The following INSR variants were observed in gnomAD, a reference collection of about 807,000 sequenced individuals.
The protein encoded by INSR is insulin receptor.
In INSR, 67 loss-of-function variants were observed where a neutral mutation model predicts 142.6. The ratio of observed to expected loss-of-function variants is 0.47; its 90% confidence interval spans 0.39 to 0.58. INSR has a LOEUF of 0.58. INSR is among the 20% of genes least tolerant of loss of function. The pLI is 0.00. For synonymous variants in INSR, 756 were observed against 743.1 expected, an observed-to-expected ratio of 1.02 and a Z score of -0.28; for missense variants, 1,248 against 1,833.2, an observed-to-expected ratio of 0.68 and a Z score of 5.83.
chr19:7,112,555 A>G lies in INSR; in HGVS notation c.*4501T>C, dbSNP rs982171199. Reference sequence around the variant, plus strand: ...CTTTCAGGCAAAGTGTAAAGACTAAACAAGCTGTTCCTGAATATGTGCATG... The same window carrying G: ...CTTTCAGGCAAAGTGTAAAGACTAAGCAAGCTGTTCCTGAATATGTGCATG... On this transcript the variant is annotated 3_prime_UTR_variant, in exon 22 of 22. Coordinates refer to ENST00000302850, the MANE Select transcript of INSR (RefSeq NM_000208.4). 6.6e-6 allele frequency: 1 copy of G among 152,168 alleles called. No homozygotes were observed. The highest frequency in any genetic ancestry group is 6.5e-5 in the Admixed American group (1 of 15,290). The allele number at this position is 152,168 out of a possible 1,614,324, so 9.4% of individuals were successfully genotyped here. A position where few individuals can be genotyped will look rare whatever the true frequency, so the allele number is the denominator to read the frequency against.
intron 2 of INSR, among the ~76,000 whole-genome samples, chr19:7,248,501 A>G (rs921113016): frequency 4.2e-5 from 6 of 144,300 alleles, no homozygotes; most frequent in African/African-American, 1.3e-4. Flanking sequence ...AAAAAAAAAA[A>G]AAAAAAAGCA....
At chr19:7,163,885 G>C (rs535550040) in intron 8 of INSR, among the ~76,000 whole-genome samples, 1 of 127,264 alleles carries the variant, frequency 7.9e-6, no homozygotes, top group Non-Finnish European at 1.6e-5. Flanking sequence ...TCAGGAGTTC[G>C]AGACTACACC....
intron 4 of INSR, 95 bp downstream of exon 4, chr19:7,174,488 C>G: frequency 1.4e-6 from 2 of 1,391,204 alleles, no homozygotes; most frequent in Admixed American, 1.7e-5. Context: ...TGTAGGAGCA[C>G]GCAGCAGGGT....
intron 1 of INSR, among the ~76,000 whole-genome samples, chr19:7,287,726 A>T (rs1480154112): frequency 2.0e-5 from 3 of 152,192 alleles, no homozygotes; most frequent in South Asian, 2.1e-4. Context: ...AAAGAGAAAG[A>T]CATAGCGTTT....
At chr19:7,253,070 G>A (rs1474681945) in intron 2 of INSR, among the ~76,000 whole-genome samples, 4 of 148,828 alleles carry the variant, frequency 2.7e-5, no homozygotes, top group African/African-American at 5.0e-5. Context: ...AGCCAAGATC[G>A]TGCCACAGCA....
intron 2 of INSR, among the ~76,000 whole-genome samples, chr19:7,204,998 C>A (rs1445594252): frequency 8.0e-6 from 1 of 125,594 alleles, no homozygotes; most frequent in Non-Finnish European, 1.8e-5. Flanking sequence ...GCAGGAGAAT[C>A]GCTTGAAGCC....
At chr19:7,291,036 C>T (rs901267730) in intron 1 of INSR, among the ~76,000 whole-genome samples, 2 of 151,924 alleles carry the variant, frequency 1.3e-5, no homozygotes, top group African/African-American at 4.8e-5. Context: ...TGCCACTGCA[C>T]TCCAGCCTGG....
At position 7,126,637 on chromosome 19, in the gene INSR, G is replaced by A. The variant is rs866193541; in HGVS notation, c.2960C>T (p.Pro987Leu). Residue 987 changes from proline (P) to leucine (L), a missense_variant, in exon 16 of 22, where the codon CCG becomes CTG. Coordinates refer to ENST00000302850, the MANE Select transcript of INSR (RefSeq NM_000208.4). ...LFLRKRQPDG[P>L]LGPLYASSNP... ...TGAAGAAGCGTAAAGCGGTCCCAGC[G>A]GCCCATCTGGCTGCCTGGAGGAGGA... is the stretch of plus-strand genomic sequence containing the variant. 57 of 1,564,716 alleles carry A rather than the reference G, an allele frequency of 3.6e-5. No individual in the cohort carries two copies. The highest frequency in any genetic ancestry group is 1.7e-4 in the Middle Eastern group (1 of 6,030).
intron 8 of INSR, among the ~76,000 whole-genome samples, chr19:7,165,374 A>G (rs1250729976): frequency 6.6e-6 from 1 of 152,168 alleles, no homozygotes; most frequent in Non-Finnish European, 1.5e-5. Context: ...AAGTGGGAAG[A>G]GGGAACAGGC....
In INSR at chr19:7,125,637, T is replaced by C. The variant is rs1299623054; in HGVS notation, c.3014-110A>G. Reference sequence around the variant, plus strand: ...CCCTCGAAAACACTCATGAAATGAGTTCTGTGATCCAGGACCCATGCCGGG... The same window carrying C: ...CCCTCGAAAACACTCATGAAATGAGCTCTGTGATCCAGGACCCATGCCGGG... On this transcript the variant is annotated intron_variant, in intron 16 of 21. Transcript: ENST00000302850. This position sits in a 1 kb window ranked among gnomAD's most constrained non-coding sequence, Gnocchi z 4.9. The C allele has an allele frequency of 4.1e-6, 6 of 1,458,052 alleles. No individual in the cohort carries two copies. The highest frequency in any genetic ancestry group is 5.7e-6 in the Non-Finnish European group (6 of 1,057,656). The allele number at this position is 1,458,052 out of a possible 1,614,324, so 90.3% of individuals were successfully genotyped here.
Position 7,119,720 on chromosome 19 carries a change from GCAAA to G in INSR, c.3660-141_3660-138del. On this transcript the variant is annotated intron_variant, in intron 20 of 21. Transcript: ENST00000302850. This position sits in a 1 kb window ranked among gnomAD's most constrained non-coding sequence, Gnocchi z 5.2. ...AACACATACATGCAAACACACACAT[GCAAA>G]CACACACGCACATACACGTGCACAC... 1 of 951,710 alleles carries G rather than the reference GCAAA, an allele frequency of 1.1e-6. No individual in the cohort carries two copies. Among genetic ancestry groups the G allele is most frequent in the South Asian group, 1.3e-5 (1 of 74,592 alleles). 59.0% of individuals were successfully genotyped at this position (951,710 alleles called of 1,614,324 possible).
At position 7,116,851 on chromosome 19, in the gene INSR, C is replaced by T. The variant is rs1972341192; in HGVS notation, c.*205G>A. ...GCAACTGTGGAAACCCCTTGCCCTCCAGGTTCACAGTTAAATCCTCTGCAG... is the reference window on the plus strand; with the variant it reads ...GCAACTGTGGAAACCCCTTGCCCTCTAGGTTCACAGTTAAATCCTCTGCAG... On this transcript the variant is annotated 3_prime_UTR_variant, in exon 22 of 22. Coordinates refer to ENST00000302850, the MANE Select transcript of INSR (RefSeq NM_000208.4). 1 of 567,666 alleles carries T rather than the reference C, an allele frequency of 1.8e-6. No individual in the cohort carries two copies. Among genetic ancestry groups the T allele is most frequent in the Non-Finnish European group, 3.2e-6 (1 of 317,400 alleles). The allele number at this position is 567,666 out of a possible 1,614,324, so 35.2% of individuals were successfully genotyped here.
At chr19:7,158,942 T>C (rs181889575) in intron 9 of INSR, among the ~76,000 whole-genome samples, 2,892 of 148,332 alleles carry the variant, frequency 0.019, 87 homozygotes, top group African/African-American at 0.072. Flanking sequence ...CTTGCTCTGT[T>C]GCCAGGCTGG....
intron 8 of INSR, among the ~76,000 whole-genome samples, chr19:7,163,948 A>AATATATATATATAT (rs1555742962): frequency 2.2e-5 from 3 of 136,136 alleles, no homozygotes; most frequent in African/African-American, 9.4e-5. Flanking sequence ...AAAAAAAAAA[A>AATATATATATATAT]ATTAGCTGGA....
chr19:7,188,994 GA>G (rs527517030), intron 2 of INSR, among the ~76,000 whole-genome samples: 61 of 151,718 alleles, frequency 4.0e-4, no homozygotes, highest in Non-Finnish European at 7.9e-4. Context: ...CTTTGATAGA[GA>G]CATTTTTAGG....
At chr19:7,195,477 T>C (rs975887560) in intron 2 of INSR, among the ~76,000 whole-genome samples, 6 of 151,922 alleles carry the variant, frequency 3.9e-5, no homozygotes, top group Non-Finnish European at 5.9e-5. Context: ...ACCCTTTCTC[T>C]ACTAAAAACA....
chr19:7,117,199 G>A lies in INSR; in HGVS notation c.4006C>T (p.Gln1336Ter). 6.2e-7 allele frequency: 1 copy of A among 1,614,120 alleles called. No homozygotes were observed. ...NVPLDRSSHCQREEAGGRDGG... is the reference protein window; with the variant it reads ...NVPLDRSSHC ...TCCCGGCCCCCCGCCTCCTCCCTCTGACAGTGCGAGGAACGGTCCAGGGGC... is the reference window on the plus strand; with the variant it reads ...TCCCGGCCCCCCGCCTCCTCCCTCTAACAGTGCGAGGAACGGTCCAGGGGC... The change falls in exon 22 of 22, where the codon CAG becomes TAG. Residue 1336 changes from glutamine (Q) to a stop codon, truncating the protein, a stop_gained. Coordinates refer to ENST00000302850, the MANE Select transcript of INSR (RefSeq NM_000208.4). LOFTEE classifies it low-confidence loss of function (END_TRUNC).
chr19:7,180,139 G>A (rs575529056), intron 3 of INSR, among the ~76,000 whole-genome samples: 129 of 152,290 alleles, frequency 8.5e-4, no homozygotes, highest in Non-Finnish European at 1.5e-3. Context: ...CTAAAGGAGT[G>A]TTTTAAGCCA....
At chr19:7,208,347 C>T (rs1276860353) in intron 2 of INSR, among the ~76,000 whole-genome samples, 1 of 151,388 alleles carries the variant, frequency 6.6e-6, no homozygotes, top group Non-Finnish European at 1.5e-5. Context: ...AGCCTATCTT[C>T]CCTCTGGCCG....
Sources: allele counts gnomAD v4.1 joint callset (sites outside exome capture counted in the v4.1 genomes callset), GRCh38; gene constraint gnomAD v4.1.1; non-coding constraint Gnocchi (gnomAD v3.1); transcripts MANE v1.5; gene names NCBI Gene and HGNC (gene_info 2026-07-23, HGNC 2026-07-21).